The following IL1RAPL2 variants were observed in gnomAD, a reference collection of about 807,000 sequenced individuals.
IL1RAPL2 encodes the protein X-linked interleukin-1 receptor accessory protein-like 2.
Under a neutral mutation model 44.1 loss-of-function variants are expected in IL1RAPL2, and 3 were observed. The ratio of observed to expected loss-of-function variants is 0.07; its 90% confidence interval spans 0.03 to 0.18. The LOEUF is 0.18. Among genes scored for constraint, IL1RAPL2 ranks in the 10% least tolerant of loss-of-function variants. IL1RAPL2 has a pLI of 1.00. For missense variants in IL1RAPL2, 391 were observed against 496.4 expected, an observed-to-expected ratio of 0.79 and a Z score of 2.02; for synonymous variants, 181 against 178.8, an observed-to-expected ratio of 1.01 and a Z score of -0.10.
intron 4 of IL1RAPL2, among the ~76,000 whole-genome samples, chrX:105,252,814 A>G (rs2034281250): frequency 8.9e-6 from 1 of 111,910 alleles, no homozygotes; most frequent in African/African-American, 3.2e-5. Context: ...GTGAAGCCTT[A>G]TGAGATAGGC....
At chrX:104,627,254 T>C (rs1929528005) in intron 1 of IL1RAPL2, among the ~76,000 whole-genome samples, 1 of 102,859 alleles carries the variant, frequency 9.7e-6, no homozygotes, top group African/African-American at 3.6e-5. Flanking sequence ...TTTGGTTTTT[T>C]GTCCTTGCGA....
rs571357598 is a variant in IL1RAPL2 at position 104,598,502 on chromosome X, G to A, written c.-20+31451G>A. On this transcript the variant is annotated intron_variant, in intron 1 of 10. Coordinates refer to ENST00000372582, the MANE Select transcript of IL1RAPL2 (RefSeq NM_017416.2). ...TGCAGGATGTTGAAATGCAAAATTG[G>A]CTTTTAACAAAATTATGAGGGAAGA... is the stretch of plus-strand genomic sequence containing the variant. 1.7e-4 allele frequency among the ~76,000 whole-genome samples: 19 copies of A among 111,757 alleles called. No individual in the cohort carries two copies. In the South Asian group the frequency reaches 6.8e-3, roughly 40 times the overall value.
intron 2 of IL1RAPL2, among the ~76,000 whole-genome samples, chrX:105,045,434 GAGC>G (rs2031824179): frequency 8.9e-6 from 1 of 112,267 alleles, no homozygotes; most frequent in African/African-American, 3.2e-5. Context: ...AGAAGAAAAA[GAGC>G]AGAGAGTTGG....
intron 2 of IL1RAPL2, among the ~76,000 whole-genome samples, chrX:104,897,059 G>A (rs767221064): frequency 1.2e-4 from 14 of 112,002 alleles, no homozygotes; most frequent in Non-Finnish European, 2.6e-4. Flanking sequence ...CACTCACCAT[G>A]AGAGTCCACA....
At chrX:104,947,976 G>A (rs1158320252) in intron 2 of IL1RAPL2, among the ~76,000 whole-genome samples, 1 of 111,162 alleles carries the variant, frequency 9.0e-6, no homozygotes, top group Admixed American at 9.5e-5. Context: ...AGCTTGATGG[G>A]GATGGCATTG....
At chrX:104,578,962 G>T (rs1404258991) in intron 1 of IL1RAPL2, among the ~76,000 whole-genome samples, 1 of 111,338 alleles carries the variant, frequency 9.0e-6, no homozygotes, top group Non-Finnish European at 1.9e-5. Context: ...GAGGACAACT[G>T]GTTATTATCT....
At chrX:105,277,059 G>C (rs1407072356) in intron 5 of IL1RAPL2, among the ~76,000 whole-genome samples, 5 of 111,776 alleles carry the variant, frequency 4.5e-5, no homozygotes, top group African/African-American at 1.6e-4. Context: ...CAGTATTACA[G>C]ATAAAGGAAG....
chrX:104,582,702 C>CTT, intron 1 of IL1RAPL2, among the ~76,000 whole-genome samples: 1 of 87,119 alleles, frequency 1.1e-5, no homozygotes, highest in Non-Finnish European at 2.3e-5. Context: ...TTCTCTCTCT[C>CTT]TCCTTTATTT....
At chrX:105,664,123 G>C (rs955832647) in intron 6 of IL1RAPL2, among the ~76,000 whole-genome samples, 2 of 111,906 alleles carry the variant, frequency 1.8e-5, no homozygotes, top group African/African-American at 6.5e-5. Flanking sequence ...TTTAGAAAGA[G>C]GTTTGGCTTT....
chrX:105,718,068 C>A (rs758952154), intron 7 of IL1RAPL2, among the ~76,000 whole-genome samples: 1 of 111,827 alleles, frequency 8.9e-6, no homozygotes, highest in African/African-American at 3.2e-5. Flanking sequence ...TATTGGTTTT[C>A]TAATTCTATT....
At chrX:104,949,855 G>T (rs1925519667) in intron 2 of IL1RAPL2, among the ~76,000 whole-genome samples, 1 of 111,064 alleles carries the variant, frequency 9.0e-6, no homozygotes, top group Non-Finnish European at 1.9e-5. Context: ...GGTCAGTTTT[G>T]GAATAGGTGT....
intron 1 of IL1RAPL2, among the ~76,000 whole-genome samples, chrX:104,597,279 G>C (rs911279717): frequency 9.3e-6 from 1 of 107,509 alleles, no homozygotes; most frequent in Non-Finnish European, 1.9e-5. Flanking sequence ...GGGAGGTGGA[G>C]GTTGCAGTGA....
intron 5 of IL1RAPL2, among the ~76,000 whole-genome samples, chrX:105,456,930 G>A (rs981580849): frequency 8.2e-5 from 9 of 110,048 alleles, no homozygotes; most frequent in African/African-American, 3.0e-4. Context: ...TTAAAATTGT[G>A]TATTCTAAGG....
intron 2 of IL1RAPL2, among the ~76,000 whole-genome samples, chrX:104,934,682 T>C (rs1270093028): frequency 8.9e-6 from 1 of 111,845 alleles, no homozygotes; most frequent in Non-Finnish European, 1.9e-5. Context: ...CAAAGTTTCC[T>C]GAGTTGTCAA....
chrX:104,902,242 CT>C (rs1465871777), intron 2 of IL1RAPL2, among the ~76,000 whole-genome samples: 1 of 111,988 alleles, frequency 8.9e-6, no homozygotes, highest in African/African-American at 3.2e-5. Context: ...CACCTCTGAT[CT>C]TTGACATAAC....
chrX:105,000,156 A>G (rs1486718025), intron 2 of IL1RAPL2, among the ~76,000 whole-genome samples: 1 of 111,397 alleles, frequency 9.0e-6, no homozygotes, highest in African/African-American at 3.3e-5. Flanking sequence ...TTCATATGGA[A>G]TATATTCTCT....
At chrX:105,654,983 C>T (rs1015354930) in intron 6 of IL1RAPL2, among the ~76,000 whole-genome samples, 1 of 111,937 alleles carries the variant, frequency 8.9e-6, no homozygotes, top group African/African-American at 3.2e-5. Context: ...GGCAGAAGCC[C>T]CCGGGAAGTG....
chrX:104,789,637 G>A lies in IL1RAPL2; in HGVS notation c.82+130642G>A, dbSNP rs781071942. Reference sequence around the variant, plus strand: ...CTATTATTTGCTAAATATCCAAATTGTTACCATAAGGGAGAAATATGCCTC... The same window carrying A: ...CTATTATTTGCTAAATATCCAAATTATTACCATAAGGGAGAAATATGCCTC... On this transcript the variant is annotated intron_variant, in intron 2 of 10. Coordinates refer to ENST00000372582, the MANE Select transcript of IL1RAPL2 (RefSeq NM_017416.2). Among the ~76,000 whole-genome samples the A allele has an allele frequency of 9.2e-4, 103 of 111,984 alleles. 1 individual carries two copies. The highest frequency in any genetic ancestry group is 2.0e-3 in the Admixed American group (21 of 10,543).
intron 5 of IL1RAPL2, among the ~76,000 whole-genome samples, chrX:105,354,003 C>G (rs989583071): frequency 1.8e-5 from 2 of 110,946 alleles, no homozygotes; most frequent in Non-Finnish European, 3.8e-5. Context: ...ACATCCCTGT[C>G]TTGTGCCAGT....
Sources: allele counts gnomAD v4.1 joint callset (sites outside exome capture counted in the v4.1 genomes callset), GRCh38; gene constraint gnomAD v4.1.1; transcripts MANE v1.5; gene names NCBI Gene and HGNC (gene_info 2026-07-23, HGNC 2026-07-21).